Variants in KCTD14 observed in about 807,000 individuals in gnomAD.
KCTD14 encodes BTB/POZ domain-containing protein KCTD14.
A neutral mutation model predicts 5.9 loss-of-function variants in KCTD14; 7 were observed. The ratio of observed to expected loss-of-function variants is 1.19; its 90% confidence interval spans 0.68 to 2.23. KCTD14 has a LOEUF of 2.23. Among genes scored for constraint, KCTD14 ranks in the 30% most tolerant of loss-of-function variants. KCTD14 has a pLI of 0.00. For synonymous variants in KCTD14, 140 were observed against 133.1 expected (o/e 1.05, Z -0.36); for missense variants, 342 against 332.2 (o/e 1.03, Z -0.23).
At chr11:78,034,388 C>T (rs1017703112) in intron 2 of KCTD14, among the ~76,000 whole-genome samples, 7 of 152,152 alleles carry the variant, frequency 4.6e-5, no homozygotes, top group African/African-American at 1.7e-4. Context: ...GCTGGAATTA[C>T]AGGTGTGAGC....
chr11:78,039,068 C>CAAAA (rs34453594), intron 1 of KCTD14, among the ~76,000 whole-genome samples: 1 of 114,762 alleles, frequency 8.7e-6, no homozygotes, highest in African/African-American at 3.6e-5. Context: ...CTTTAGATTA[C>CAAAA]AAAAAAAAAA....
chr11:78,035,142 A>C (rs1218205659), intron 2 of KCTD14, among the ~76,000 whole-genome samples: 1 of 152,124 alleles, frequency 6.6e-6, no homozygotes, highest in East Asian at 1.9e-4. Context: ...CACTTCTGGC[A>C]TTCTAAAGAG....
chr11:78,019,192 T>A (rs1857250663), intron 1 of KCTD14, among the ~76,000 whole-genome samples: 1 of 151,990 alleles, frequency 6.6e-6, no homozygotes, highest in South Asian at 2.1e-4. Context: ...TTTTGTATTT[T>A]TAGCACAGAC....
chr11:78,023,252 A>G lies in KCTD14; in HGVS notation c.-3T>C, dbSNP rs780760463. On this transcript the variant is annotated 5_prime_UTR_variant, in exon 1 of 2. Coordinates refer to ENST00000353172, the MANE Select transcript of KCTD14 (RefSeq NM_023930.4). ...TCCACTGCGCAGCCCTGCCACATGC[A>G]GATCACTTGGGCCAGCGGAAGTGCC... The G allele has an allele frequency of 6.2e-7, 1 of 1,609,142 alleles. No homozygotes were observed. Among genetic ancestry groups the G allele is most frequent in the Non-Finnish European group, 8.5e-7 (1 of 1,179,682 alleles).
chr11:78,030,728 AG>A (rs911343130), intron 2 of KCTD14, among the ~76,000 whole-genome samples: 1 of 152,150 alleles, frequency 6.6e-6, no homozygotes, highest in African/African-American at 2.4e-5. Flanking sequence ...CTCAGATGAA[AG>A]GGCCCTCAGA....
At chr11:78,035,817 C>T in intron 2 of KCTD14, among the ~76,000 whole-genome samples, 1 of 124,596 alleles carries the variant, frequency 8.0e-6, no homozygotes, top group South Asian at 2.7e-4. Flanking sequence ...CACACTCTAG[C>T]CTGGGCAACA....
At position 78,033,901 on chromosome 11, in the gene KCTD14, G is replaced by GTGTGTGTACATATATATATA; in HGVS notation, c.-1+4762_-1+4763insTATATATATATGTACACACA. 2.6e-5 allele frequency among the ~76,000 whole-genome samples: 3 copies of GTGTGTGTACATATATATATA among 115,604 alleles called. 1 individual carries two copies. The highest frequency in any genetic ancestry group is 5.1e-5 in the Non-Finnish European group (3 of 59,362). 75.8% of individuals were successfully genotyped at this position (115,604 alleles called of 152,430 possible). ...ATAGTGTGTGTGTATGTGTGTGTGT[G>GTGTGTGTACATATATATATA]TATATATATATATACACACATTATA... is the stretch of plus-strand genomic sequence containing the variant. On this transcript the variant is annotated intron_variant, in intron 2 of 2. Coordinates refer to the KCTD14 transcript ENST00000533144.
chr11:78,036,504 AC>A (rs1291311251), intron 2 of KCTD14, among the ~76,000 whole-genome samples: 1 of 152,244 alleles, frequency 6.6e-6, no homozygotes, highest in African/African-American at 2.4e-5. Flanking sequence ...CTAAAGTCCC[AC>A]AGCTAAATAA....
chr11:78,019,127 G>A (rs758822775), intron 1 of KCTD14, among the ~76,000 whole-genome samples: 4 of 151,378 alleles, frequency 2.6e-5, no homozygotes, highest in Admixed American at 6.6e-5. Flanking sequence ...AGGCTCAAGC[G>A]ATTATCGTGC....
intron 1 of KCTD14, among the ~76,000 whole-genome samples, chr11:78,043,031 C>T (rs1158979371): frequency 6.6e-6 from 1 of 152,210 alleles, no homozygotes; most frequent in Non-Finnish European, 1.5e-5. Context: ...GGCTGGGCAC[C>T]GTGGCTCACA....
intron 2 of KCTD14, among the ~76,000 whole-genome samples, chr11:78,033,113 C>T (rs1591188744): frequency 6.6e-6 from 1 of 152,128 alleles, no homozygotes; most frequent in South Asian, 2.1e-4. Flanking sequence ...AGTCTTTGTT[C>T]TTTCTAGCAT....
chr11:78,020,257 G>A (rs1857274962), intron 1 of KCTD14, among the ~76,000 whole-genome samples: 1 of 152,190 alleles, frequency 6.6e-6, no homozygotes, highest in Admixed American at 6.6e-5. Flanking sequence ...GAGTGGGGAT[G>A]GGGACAGGGC....
upstream of KCTD14, among the ~76,000 whole-genome samples, chr11:78,024,811 G>C (rs1021617876): frequency 6.6e-5 from 10 of 151,712 alleles, no homozygotes; most frequent in African/African-American, 2.4e-4. Flanking sequence ...TGGGCGTGGT[G>C]GTGGGCACCT....
rs780657207 is a variant in KCTD14 at position 78,016,857 on chromosome 11, C to T, written c.504G>A (p.Val168=). ...AEAITARKSS[V]LVCLVETEEQ... Reference sequence around the variant, plus strand: ...CCTCAGTTTCCACCAGGCACACAAGCACGCTGGACTTCCGTGCTGTTATGG... The same window carrying T: ...CCTCAGTTTCCACCAGGCACACAAGTACGCTGGACTTCCGTGCTGTTATGG... The change falls in exon 2 of 2, where the codon GTG becomes GTA. Residue 168 remains valine, a synonymous_variant. Transcript: ENST00000353172. 3.7e-6 allele frequency: 6 copies of T among 1,614,102 alleles called. No individual in the cohort carries two copies. The highest frequency in any genetic ancestry group is 1.3e-5 in the African/African-American group (1 of 74,948).
chr11:78,016,787 T>C lies in KCTD14; in HGVS notation c.574A>G (p.Lys192Glu). ...YSEVLCFLQDKKMFKSVVKFG... is the reference protein window; with the variant it reads ...YSEVLCFLQDEKMFKSVVKFG... Reference sequence around the variant, plus strand: ...TTGACAACAGACTTGAACATCTTCTTATCCTGCAGAAAACACAGGACCTCT... The same window carrying C: ...TTGACAACAGACTTGAACATCTTCTCATCCTGCAGAAAACACAGGACCTCT... Residue 192 changes from lysine to glutamate, a missense_variant, in exon 2 of 2, where the codon AAG (lysine) becomes GAG (glutamate). Lys to Glu is a moderately conservative substitution (Grantham distance 56). Coordinates refer to ENST00000353172, the MANE Select transcript of KCTD14 (RefSeq NM_023930.4). 6.2e-7 allele frequency: 1 copy of C among 1,614,114 alleles called. No homozygotes were observed. The highest frequency in any genetic ancestry group is 8.5e-7 in the Non-Finnish European group (1 of 1,179,968).
intron 2 of KCTD14, among the ~76,000 whole-genome samples, chr11:78,033,912 TATAC>T (rs1857714162): frequency 1.2e-5 from 1 of 85,698 alleles, no homozygotes; most frequent in African/African-American, 3.8e-5. Flanking sequence ...TATATATATA[TATAC>T]ACACATTATA....
upstream of KCTD14, among the ~76,000 whole-genome samples, chr11:78,024,411 TACACACACAC>T (rs58091495): frequency 1.7e-5 from 2 of 116,848 alleles, no homozygotes; most frequent in Admixed American, 1.1e-4. Context: ...TATATATATA[TACACACACAC>T]ACACACACAC....
intron 1 of KCTD14, among the ~76,000 whole-genome samples, chr11:78,039,349 T>C (rs72943086): frequency 0.034 from 5,085 of 149,290 alleles, 127 homozygotes; most frequent in South Asian, 0.047. Context: ...AGATCCCATC[T>C]CTACAAAAAA....
intron 1 of KCTD14, among the ~76,000 whole-genome samples, chr11:78,042,962 C>G (rs961990364): frequency 6.6e-6 from 1 of 152,214 alleles, no homozygotes; most frequent in East Asian, 1.9e-4. Context: ...CCTACCTGGC[C>G]GGTGCCATGT....
Sources: allele counts gnomAD v4.1 joint callset (sites outside exome capture counted in the v4.1 genomes callset), GRCh38; gene constraint gnomAD v4.1.1; transcripts MANE v1.5; gene names NCBI Gene and HGNC (gene_info 2026-07-23, HGNC 2026-07-21).